The following ABR variants were observed in gnomAD, a reference collection of about 807,000 sequenced individuals.
ABR encodes ABR activator of RhoGEF and GTPase, also known as active breakpoint cluster region-related protein.
ABR carries 35 observed loss-of-function variants against 107.2 expected under a neutral mutation model. The ratio of observed to expected loss-of-function variants is 0.33; its 90% CI spans 0.25 to 0.43. The LOEUF is 0.43. Ranked by LOEUF, ABR falls within the 20% of genes least tolerant of loss-of-function variation. The pLI is 1.00. For missense variants in ABR, 815 were observed against 1,115.2 expected, an observed-to-expected ratio of 0.73 and a Z score of 3.83; for synonymous variants, 498 against 462.0, an observed-to-expected ratio of 1.08 and a Z score of -1.00.
intron 2 of ABR, chr17:1,101,411 G>A (rs577961379): frequency 3.3e-5 from 5 of 152,254 alleles, no homozygotes; most frequent in Non-Finnish European, 5.9e-5. Context: ...GTAACATCTC[G>A]TTTTGCTTCC....
Position 1,027,770 on chromosome 17 carries a change from C to A in ABR, c.1792-14606G>T, listed in dbSNP as rs935414429. ...TGGGGGTGTGTGTGAACAGAGAAGACGCACGATGAAGCTTTCTTCCCACCG... is the reference window on the plus strand; with the variant it reads ...TGGGGGTGTGTGTGAACAGAGAAGAAGCACGATGAAGCTTTCTTCCCACCG... On this transcript the variant is annotated intron_variant, in intron 16 of 22. Coordinates refer to ENST00000302538, the MANE Select transcript of ABR (RefSeq NM_021962.5). The surrounding 1 kb of genome is among the most constrained non-coding windows in gnomAD (Gnocchi z 4.7). Among the ~76,000 whole-genome samples the A allele has an allele frequency of 1.3e-5, 2 of 151,920 alleles. No individual in the cohort carries two copies. Among genetic ancestry groups the A allele is most frequent in the Admixed American group, 6.6e-5 (1 of 15,262 alleles).
intron 1 of ABR, among the ~76,000 whole-genome samples, chr17:1,166,012 G>A (rs1467200809): frequency 1.5e-5 from 2 of 133,906 alleles, no homozygotes; most frequent in East Asian, 2.4e-4. Context: ...TCCCCAGCGC[G>A]GTCCCCACCT....
At chr17:1,223,718 A>G (rs2043162773) in intron 1 of ABR, among the ~76,000 whole-genome samples, 1 of 152,144 alleles carries the variant, frequency 6.6e-6, no homozygotes, top group African/African-American at 2.4e-5. Context: ...GAAACTTACA[A>G]TCACCGCGGA....
At chr17:1,158,909 T>C (rs1440604006) in intron 1 of ABR, among the ~76,000 whole-genome samples, 2 of 152,188 alleles carry the variant, frequency 1.3e-5, no homozygotes, top group African/African-American at 4.8e-5. Context: ...GCCACCGTTG[T>C]AACCACAGCC....
At chr17:1,175,064 G>C (rs897247347) in intron 1 of ABR, among the ~76,000 whole-genome samples, 1 of 152,170 alleles carries the variant, frequency 6.6e-6, no homozygotes, top group Non-Finnish European at 1.5e-5. Flanking sequence ...ATAACAAAGA[G>C]AAGATGATAC....
intron 21 of ABR, 116 bp from the exon 22 acceptor site, chr17:1,007,428 G>A (rs545655400): frequency 5.3e-5 from 67 of 1,271,286 alleles, no homozygotes; most frequent in Non-Finnish European, 6.5e-5. Flanking sequence ...GGGTCACCTC[G>A]TCTCTGTCTC....
intron 3 of ABR, among the ~76,000 whole-genome samples, chr17:1,096,460 G>A (rs1409804854): frequency 6.6e-6 from 1 of 152,188 alleles, no homozygotes; most frequent in African/African-American, 2.4e-5. Context: ...GCTGAGGGGT[G>A]GGGAGGGTGC....
Position 1,050,022 on chromosome 17 carries a change from C to T in ABR, c.1791+28G>A. ...TGGAACCACCTCCTGGAGGCTCCCTCAGCCTCGCCCCGGCGCCCTGGCCTC... is the reference window on the plus strand; with the variant it reads ...TGGAACCACCTCCTGGAGGCTCCCTTAGCCTCGCCCCGGCGCCCTGGCCTC... On this transcript the variant is annotated intron_variant, in intron 16 of 22. Transcript: ENST00000302538. This position sits in a 1 kb window ranked among gnomAD's most constrained non-coding sequence, Gnocchi z 4.6. 1.2e-6 allele frequency: 2 copies of T among 1,601,098 alleles called. No homozygotes were observed. The highest frequency in any genetic ancestry group is 2.2e-5 in the South Asian group (2 of 89,050).
In ABR at chr17:1,066,005, A is replaced by G. The variant is rs542280768; in HGVS notation, c.1182+1072T>C. Among the ~76,000 whole-genome samples, 4 of 152,200 alleles carry G rather than the reference A, an allele frequency of 2.6e-5. No homozygotes were observed. In the South Asian group the frequency reaches 8.3e-4, roughly 32 times the overall value. On this transcript the variant is annotated intron_variant, in intron 10 of 22. Coordinates refer to ENST00000302538, the MANE Select transcript of ABR (RefSeq NM_021962.5). Reference sequence around the variant, plus strand: ...GGTGACCTGCCTGCCTGGGCCTCCTAAAGTGCTGGGATTACAGGCATGATC... The same window carrying G: ...GGTGACCTGCCTGCCTGGGCCTCCTGAAGTGCTGGGATTACAGGCATGATC...
chr17:1,059,530 C>G (rs1248958553), intron 10 of ABR, among the ~76,000 whole-genome samples: 1 of 152,052 alleles, frequency 6.6e-6, no homozygotes, highest in Non-Finnish European at 1.5e-5. Flanking sequence ...CAGCCTGAAG[C>G]CCCACCTGCT....
rs1464056929 is a variant in ABR at position 1,084,300 on chromosome 17, C to A, written c.532-673G>T. On this transcript the variant is annotated intron_variant, in intron 4 of 22. Transcript: ENST00000302538. This position sits in a 1 kb window ranked among gnomAD's most constrained non-coding sequence, Gnocchi z 4.2. ...AATGAGGCAGGAGAATCGCTTGAAC[C>A]CAAGAGGTGGAGGCTGCAGTGAACC... 6.6e-6 allele frequency among the ~76,000 whole-genome samples: 1 copy of A among 152,228 alleles called. No homozygotes were observed. Among genetic ancestry groups the A allele is most frequent in the Admixed American group, 6.5e-5 (1 of 15,290 alleles).
chr17:1,149,506 C>T (rs1317797975), intron 1 of ABR, among the ~76,000 whole-genome samples: 1 of 151,900 alleles, frequency 6.6e-6, no homozygotes, highest in Non-Finnish European at 1.5e-5. Flanking sequence ...CAACTTCCAC[C>T]TCCCGGGTTC....
intron 1 of ABR, chr17:1,156,103 C>T (rs1234911791): frequency 1.3e-5 from 2 of 152,208 alleles, no homozygotes; most frequent in Admixed American, 6.5e-5. Flanking sequence ...CTGTGATCCT[C>T]AATGGGGGTG....
rs570468796 is a variant in ABR at position 1,125,117 on chromosome 17, G to C, written c.246+66C>G. ...TCGAGACCAACCCAAGCAGGGCCTG[G>C]CCCACGATGCCCAGGCCTTCCCGTC... is the stretch of plus-strand genomic sequence containing the variant. On this transcript the variant is annotated intron_variant, in intron 2 of 22. Transcript: ENST00000302538. 126 of 1,479,496 alleles carry C rather than the reference G, an allele frequency of 8.5e-5. No individual in the cohort carries two copies. The African/African-American group carries it at 1.6e-3, about 18-fold the overall frequency. 91.6% of individuals were successfully genotyped at this position (1,479,496 alleles called of 1,614,324 possible).
upstream of ABR, among the ~76,000 whole-genome samples, chr17:1,182,919 C>A (rs1358671250): frequency 6.6e-6 from 1 of 152,180 alleles, no homozygotes; most frequent in Non-Finnish European, 1.5e-5. Flanking sequence ...CGGCCAGATG[C>A]TAACCTTGGC....
intron 12 of ABR, among the ~76,000 whole-genome samples, chr17:1,057,308 TTGTGTGTGTGTGTGTGTGTGTGTGTG>T (rs750525310): frequency 3.9e-3 from 266 of 68,034 alleles, no homozygotes; most frequent in African/African-American, 0.013. Context: ...CTGAAGAGGT[TTGTGTGTGTGTGTGTGTGTGTGTGTG>T]TGTGTGTGTG....
chr17:1,155,017 G>A (rs2151546339), intron 1 of ABR: 2 of 152,122 alleles, frequency 1.3e-5, no homozygotes, highest in East Asian at 3.9e-4. Flanking sequence ...GGCGCCCTGG[G>A]GGCCAGCCAG....
chr17:1,060,864 C>T (rs1046997599), intron 10 of ABR, among the ~76,000 whole-genome samples: 2 of 151,920 alleles, frequency 1.3e-5, no homozygotes, highest in East Asian at 1.9e-4. Flanking sequence ...TGGTGGCGGA[C>T]GCCTTTATTC....
rs1403983365 is a variant in ABR at position 1,148,060 on chromosome 17, A to G, written c.62-22693T>C. 2.6e-5 allele frequency among the ~76,000 whole-genome samples: 4 copies of G among 152,188 alleles called. No individual in the cohort carries two copies. Among genetic ancestry groups the G allele is most frequent in the Non-Finnish European group, 5.9e-5 (4 of 68,030 alleles). ...CCACCCACTCTCCCCAGGCTGGTCA[A>G]TGGGCCCACCCCACGGTAAGCTTCA... On this transcript the variant is annotated intron_variant, in intron 1 of 22. Transcript: ENST00000302538. The surrounding 1 kb of genome is among the most constrained non-coding windows in gnomAD (Gnocchi z 4.9).
Sources: allele counts gnomAD v4.1 joint callset (sites outside exome capture counted in the v4.1 genomes callset), GRCh38; gene constraint gnomAD v4.1.1; non-coding constraint Gnocchi (gnomAD v3.1); transcripts MANE v1.5; gene names NCBI Gene and HGNC (gene_info 2026-07-23, HGNC 2026-07-21).